Variants in CNTNAP2 observed in about 807,000 individuals in gnomAD.
The protein encoded by CNTNAP2 is contactin-associated protein-like 2.
In CNTNAP2, 98 loss-of-function variants were observed where a neutral mutation model predicts 155.2. That is an observed-to-expected ratio of 0.63 (90% CI 0.54 to 0.75). CNTNAP2 has a LOEUF of 0.75. CNTNAP2 is among the 30% of genes least tolerant of loss of function. CNTNAP2 has a pLI of 0.00. For synonymous variants in CNTNAP2, 651 were observed against 631.2 expected (o/e 1.03, Z -0.47); for missense variants, 1,727 against 1,688.1 (o/e 1.02, Z -0.40).
chr7:146,318,215 T>C (rs1248689531), intron 1 of CNTNAP2, among the ~76,000 whole-genome samples: 1 of 152,156 alleles, frequency 6.6e-6, no homozygotes, highest in African/African-American at 2.4e-5. Flanking sequence ...ATAATGATTA[T>C]GAAATATATA....
chr7:146,298,530 TTC>T (rs1156854725), intron 1 of CNTNAP2, among the ~76,000 whole-genome samples: 2 of 152,194 alleles, frequency 1.3e-5, no homozygotes, highest in Non-Finnish European at 2.9e-5. Context: ...TTGCCTAAAT[TTC>T]TGAGAAGCTG....
At chr7:146,198,701 GA>G (rs946137547) in intron 1 of CNTNAP2, among the ~76,000 whole-genome samples, 29 of 151,910 alleles carry the variant, frequency 1.9e-4, no homozygotes, top group African/African-American at 7.0e-4. Flanking sequence ...TGTCAAATTT[GA>G]AATCCTTTTT....
intron 4 of CNTNAP2, among the ~76,000 whole-genome samples, chr7:147,084,832 T>C (rs370425940): frequency 7.4e-5 from 11 of 149,124 alleles, no homozygotes; most frequent in African/African-American, 2.2e-4. Flanking sequence ...ATAATTTATA[T>C]ATATGCTATG....
At chr7:148,282,317 G>C (rs1022031879) in intron 21 of CNTNAP2, among the ~76,000 whole-genome samples, 1 of 152,180 alleles carries the variant, frequency 6.6e-6, no homozygotes, top group African/African-American at 2.4e-5. Flanking sequence ...TTTGAACATT[G>C]AGGGTCAGGC....
At chr7:146,440,039 G>T (rs572967939) in intron 1 of CNTNAP2, among the ~76,000 whole-genome samples, 1 of 151,558 alleles carries the variant, frequency 6.6e-6, no homozygotes, top group Non-Finnish European at 1.5e-5. Flanking sequence ...CAGGAGAATC[G>T]CTTGAACCCG....
chr7:147,390,921 C>T (rs891004598), intron 9 of CNTNAP2, among the ~76,000 whole-genome samples: 1 of 152,058 alleles, frequency 6.6e-6, no homozygotes, highest in Non-Finnish European at 1.5e-5. Flanking sequence ...ACACGAAGTA[C>T]ACCCAACCTC....
At chr7:148,405,757 A>C (rs1799690412) in intron 22 of CNTNAP2, among the ~76,000 whole-genome samples, 1 of 151,008 alleles carries the variant, frequency 6.6e-6, no homozygotes, top group Non-Finnish European at 1.5e-5. Context: ...CTGGGACTAC[A>C]GGCGCACGCC....
At chr7:147,132,179 A>G in intron 7 of CNTNAP2, 66 bp from the exon 8 acceptor site, 1 of 1,590,940 alleles carries the variant, frequency 6.3e-7, no homozygotes, top group Non-Finnish European at 8.6e-7. Context: ...TACTTTCATC[A>G]GTGGTCTGAC....
intron 1 of CNTNAP2, among the ~76,000 whole-genome samples, chr7:146,136,638 T>C (rs555702659): frequency 4.7e-4 from 70 of 149,048 alleles, no homozygotes; most frequent in Non-Finnish European, 8.0e-4. Flanking sequence ...GGTGTGATTG[T>C]TGGTTAGTCT....
intron 10 of CNTNAP2, among the ~76,000 whole-genome samples, chr7:147,444,892 C>T (rs915071117): frequency 6.6e-6 from 1 of 152,082 alleles, no homozygotes; most frequent in Non-Finnish European, 1.5e-5. Context: ...GTACAGGAAG[C>T]ATAGCTGGGA....
chr7:147,066,122 A>T (rs1175755064), intron 4 of CNTNAP2, among the ~76,000 whole-genome samples: 3 of 152,224 alleles, frequency 2.0e-5, no homozygotes, highest in Admixed American at 2.0e-4. Context: ...ATGTACAGAA[A>T]CTAGAAGGCA....
chr7:147,466,634 A>G (rs1798125028), intron 10 of CNTNAP2, among the ~76,000 whole-genome samples: 1 of 152,166 alleles, frequency 6.6e-6, no homozygotes. Flanking sequence ...CTAGAAAATA[A>G]AAATTTATGC....
intron 1 of CNTNAP2, among the ~76,000 whole-genome samples, chr7:146,457,387 A>G (rs1414254624): frequency 2.7e-5 from 4 of 150,318 alleles, no homozygotes. Flanking sequence ...TAGAAAGTTA[A>G]TCAGTGTGAA....
At chr7:148,251,499 G>T (rs13232859) in intron 20 of CNTNAP2, among the ~76,000 whole-genome samples, 2 of 152,142 alleles carry the variant, frequency 1.3e-5, no homozygotes, top group East Asian at 3.8e-4. Flanking sequence ...ACACAGGCTT[G>T]GTTGATTGAA....
chr7:147,850,563 C>T (rs1002653276), intron 13 of CNTNAP2, among the ~76,000 whole-genome samples: 1 of 152,110 alleles, frequency 6.6e-6, no homozygotes, highest in African/African-American at 2.4e-5. Context: ...GGTACTGGTG[C>T]CAAAACAGAT....
intron 1 of CNTNAP2, among the ~76,000 whole-genome samples, chr7:146,118,188 G>C (rs1168847208): frequency 6.6e-6 from 1 of 152,090 alleles, no homozygotes; most frequent in Non-Finnish European, 1.5e-5. Flanking sequence ...TTATGAGCCA[G>C]TATTACTGTT....
chr7:146,426,392 T>C (rs887114416), intron 1 of CNTNAP2, among the ~76,000 whole-genome samples: 1 of 58,346 alleles, frequency 1.7e-5, no homozygotes, highest in Non-Finnish European at 3.0e-5. Flanking sequence ...AATGTATATA[T>C]ATATATATAT....
intron 1 of CNTNAP2, among the ~76,000 whole-genome samples, chr7:146,264,366 G>T (rs568065166): frequency 6.6e-6 from 1 of 151,820 alleles, no homozygotes; most frequent in South Asian, 2.1e-4. Flanking sequence ...CAGGAGAGTC[G>T]CTTGAACCAA....
chr7:146,358,339 A>C (rs1176894125), intron 1 of CNTNAP2, among the ~76,000 whole-genome samples: 1 of 152,144 alleles, frequency 6.6e-6, no homozygotes, highest in Admixed American at 6.6e-5. Flanking sequence ...TGGCCTGGGC[A>C]GCTTGATTTA....
Sources: allele counts gnomAD v4.1 joint callset (sites outside exome capture counted in the v4.1 genomes callset), GRCh38; gene constraint gnomAD v4.1.1; transcripts MANE v1.5; gene names NCBI Gene and HGNC (gene_info 2026-07-23, HGNC 2026-07-21).